The following IQSEC2 variants were observed in gnomAD, a reference collection of about 807,000 sequenced individuals.
The protein encoded by IQSEC2 is IQ motif and SEC7 domain-containing protein 2.
Under a neutral mutation model 74.6 loss-of-function variants are expected in IQSEC2, and 6 were observed. The observed-to-expected ratio is 0.08, with a 90% CI of 0.04 to 0.16. IQSEC2 has a LOEUF of 0.16. Among genes scored for constraint, IQSEC2 ranks in the 10% least tolerant of loss-of-function variants. The probability of loss-of-function intolerance (pLI) is 1.00; values close to 1 mark genes in which losing one functional copy is unlikely to be tolerated. For missense variants in IQSEC2, 734 were observed against 1,306.2 expected, an observed-to-expected ratio of 0.56 and a Z score of 6.75; for synonymous variants, 494 against 544.5, an observed-to-expected ratio of 0.91 and a Z score of 1.29.
At chrX:53,243,582 G>T in intron 8 of IQSEC2, 111 bp from the exon 9 acceptor site, 3 of 1,017,804 alleles carry the variant, frequency 2.9e-6, no homozygotes, top group Non-Finnish European at 3.8e-6. Flanking sequence ...AGGACTGAGG[G>T]TCAATGGGTA....
chrX:53,273,742 A>G (rs1471060214), intron 2 of IQSEC2, among the ~76,000 whole-genome samples: 1 of 112,427 alleles, frequency 8.9e-6, no homozygotes, highest in African/African-American at 3.2e-5. Context: ...TAAGTCTTGT[A>G]GATCTTGCTG....
chrX:53,266,794 T>G, intron 2 of IQSEC2: 18 of 1,001,345 alleles, frequency 1.8e-5, no homozygotes, highest in East Asian at 9.0e-5. Context: ...GCAGTGGGGA[T>G]GGGAATTCCA....
At chrX:53,262,381 G>A (rs868968457) in intron 2 of IQSEC2, among the ~76,000 whole-genome samples, 7 of 112,281 alleles carry the variant, frequency 6.2e-5, no homozygotes, top group African/African-American at 1.6e-4. Context: ...TCATGGAAAC[G>A]AATGGGGGCT....
chrX:53,263,314 A>G (rs1366410150), intron 2 of IQSEC2, among the ~76,000 whole-genome samples: 1 of 111,532 alleles, frequency 9.0e-6, no homozygotes, highest in Non-Finnish European at 1.9e-5. Flanking sequence ...GACTGGACGG[A>G]CTAGGCTTTA....
chrX:53,246,496 C>A (rs1007665599), intron 8 of IQSEC2, among the ~76,000 whole-genome samples: 1 of 112,087 alleles, frequency 8.9e-6, no homozygotes, highest in Non-Finnish European at 1.9e-5. Flanking sequence ...TGGCACCCAT[C>A]ATGGGGCTTG....
chrX:53,258,844 AAAACAAAC>A (rs1293862735), intron 2 of IQSEC2, among the ~76,000 whole-genome samples: 137 of 86,467 alleles, frequency 1.6e-3, no homozygotes, highest in African/African-American at 5.6e-3. Flanking sequence ...ACTCCGTCTA[AAAACAAAC>A]AAACAAACAA....
chrX:53,275,551 C>G (rs961948180), intron 2 of IQSEC2, among the ~76,000 whole-genome samples: 2 of 111,209 alleles, frequency 1.8e-5, no homozygotes, highest in African/African-American at 6.6e-5. Flanking sequence ...TTATTGACTC[C>G]CCACTGATTT....
At chrX:53,294,062 C>T (rs891199995) in intron 1 of IQSEC2, among the ~76,000 whole-genome samples, 2 of 111,873 alleles carry the variant, frequency 1.8e-5, no homozygotes, top group Non-Finnish European at 3.8e-5. Flanking sequence ...CACGTACGCA[C>T]TATGACGGTG....
intron 2 of IQSEC2, among the ~76,000 whole-genome samples, chrX:53,286,738 G>A (rs1373326511): frequency 9.1e-6 from 1 of 110,460 alleles, no homozygotes; most frequent in Non-Finnish European, 1.9e-5. Flanking sequence ...TCAAGAGATC[G>A]AGACCATCCT....
rs187771287 is a variant in IQSEC2 at position 53,268,521 on chromosome X, C to A, written c.738-12460G>T. On this transcript the variant is annotated intron_variant, in intron 2 of 14. Transcript: ENST00000642864. The stretch of plus-strand genomic sequence containing the variant: ...CACCTCTCCAGGCTGTCATGAGGAA[C>A]AAGTGATATTCCATTCCCACTGCTC... Among the ~76,000 whole-genome samples, 3 of 111,515 alleles carry A rather than the reference C, an allele frequency of 2.7e-5. No individual in the cohort carries two copies. In the East Asian group the frequency reaches 8.5e-4, roughly 32 times the overall value.
Position 53,233,884 on chromosome X carries a change from G to C in IQSEC2, c.*335C>G, listed in dbSNP as rs2074084693. ...CACAGAGAGCTCACACAGGCCCAGA[G>C]GTCTGAGGCCACAGAGCTAGACCTC... On this transcript the variant is annotated 3_prime_UTR_variant, in exon 15 of 15. Coordinates refer to ENST00000642864, the MANE Select transcript of IQSEC2 (RefSeq NM_001111125.3). The C allele has an allele frequency of 3.4e-6, 1 of 298,248 alleles. No homozygotes were observed. The highest frequency in any genetic ancestry group is 6.0e-5 in the Admixed American group (1 of 16,550). The allele number at this position is 298,248 out of a possible 1,213,427, so 24.6% of individuals were successfully genotyped here. A position where few individuals can be genotyped will look rare whatever the true frequency, so the allele number is the denominator to read the frequency against.
chrX:53,274,493 GCT>G (rs2074795773), intron 2 of IQSEC2, among the ~76,000 whole-genome samples: 1 of 60,474 alleles, frequency 1.7e-5, no homozygotes, highest in Non-Finnish European at 2.7e-5. Flanking sequence ...ACGGAGTCTT[GCT>G]CTGTTGCCCA....
Position 53,268,587 on chromosome X carries a change from C to G in IQSEC2, c.738-12526G>C, listed in dbSNP as rs781791779. Among the ~76,000 whole-genome samples the G allele has an allele frequency of 7.2e-5, 8 of 111,595 alleles. No individual in the cohort carries two copies. The East Asian group carries it at 2.3e-3, about 32-fold the overall frequency. ...AGGCGAGGCCCCTGCTTCCTCTCCC[C>G]CTAACACTGCAGTCACCTCCTGATT... On this transcript the variant is annotated intron_variant, in intron 2 of 14. Transcript: ENST00000642864.
chrX:53,243,640 A>G (rs2074259027), intron 8 of IQSEC2, among the ~76,000 whole-genome samples, 169 bp from the exon 9 acceptor site: 1 of 111,755 alleles, frequency 8.9e-6, no homozygotes, highest in African/African-American at 3.3e-5. Context: ...GTCCTTCAGT[A>G]CAACAGCCAG....
In IQSEC2 at chrX:53,233,923, GGAA is replaced by G. The variant is rs2074085214; in HGVS notation, c.*293_*295del. 3.4e-6 allele frequency: 1 copy of G among 297,562 alleles called. No homozygotes were observed. Among genetic ancestry groups the G allele is most frequent in the Non-Finnish European group, 5.9e-6 (1 of 170,627 alleles). 24.5% of individuals were successfully genotyped at this position (297,562 alleles called of 1,213,427 possible). ...GAGCTAGACCTCCAGGGAAAAGTGGGGAAGAAGAAGACGGGAGAAAGAGTACGA... is the reference window on the plus strand; with the variant it reads ...GAGCTAGACCTCCAGGGAAAAGTGGGGAAGAAGACGGGAGAAAGAGTACGA... On this transcript the variant is annotated 3_prime_UTR_variant, in exon 15 of 15. Transcript: ENST00000642864.
intron 1 of IQSEC2, among the ~76,000 whole-genome samples, chrX:53,299,836 C>T (rs1602359008): frequency 1.8e-5 from 2 of 111,318 alleles, no homozygotes; most frequent in Non-Finnish European, 3.8e-5. Flanking sequence ...CAGCCTTGAC[C>T]TCCTGGGCTC....
At chrX:53,268,968 G>A (rs1207831830) in intron 2 of IQSEC2, among the ~76,000 whole-genome samples, 3 of 112,209 alleles carry the variant, frequency 2.7e-5, no homozygotes, top group African/African-American at 9.7e-5. Flanking sequence ...ACTAAGCAAG[G>A]CTGGTGCTTA....
At chrX:53,277,218 C>CTT (rs782593191) in intron 2 of IQSEC2, among the ~76,000 whole-genome samples, 1 of 102,838 alleles carries the variant, frequency 9.7e-6, no homozygotes, top group African/African-American at 3.5e-5. Context: ...ACCGTCTTTT[C>CTT]TTTTTTTTTT....
At chrX:53,264,805 GC>G (rs1324225063) in intron 2 of IQSEC2, among the ~76,000 whole-genome samples, 1 of 109,342 alleles carries the variant, frequency 9.1e-6, no homozygotes. Flanking sequence ...CATTACTGAA[GC>G]CGTTCCTGTC....
Sources: allele counts gnomAD v4.1 joint callset (sites outside exome capture counted in the v4.1 genomes callset), GRCh38; gene constraint gnomAD v4.1.1; transcripts MANE v1.5; gene names NCBI Gene and HGNC (gene_info 2026-07-23, HGNC 2026-07-21).